CDH12: variants seen among roughly 807,000 people sequenced by gnomAD.
The protein encoded by CDH12 is cadherin-12.
A neutral mutation model predicts 74.1 loss-of-function variants in CDH12; 41 were observed. That is an observed-to-expected ratio of 0.55 (90% CI 0.43 to 0.72). The LOEUF is 0.72. CDH12 is among the 30% of genes least tolerant of loss of function. The pLI is 0.00. For synonymous variants in CDH12, 399 were observed against 355.0 expected (o/e 1.12, Z -1.39); for missense variants, 945 against 977.2 (o/e 0.97, Z 0.44).
At chr5:21,856,589 A>T (rs1750766448) in intron 6 of CDH12, among the ~76,000 whole-genome samples, 1 of 151,794 alleles carries the variant, frequency 6.6e-6, no homozygotes, top group South Asian at 2.1e-4. Context: ...AAAGATGAAC[A>T]CGTATTGTCT....
At chr5:21,816,923 G>C (rs1319068126) in intron 9 of CDH12, 22 bp downstream of exon 9, 8 of 1,452,710 alleles carry the variant, frequency 5.5e-6, no homozygotes, top group Non-Finnish European at 7.5e-6. Context: ...GTAGTCAACT[G>C]TCCCAACATT....
At chr5:22,526,823 T>C (rs1407266417) in intron 1 of CDH12, among the ~76,000 whole-genome samples, 1 of 152,192 alleles carries the variant, frequency 6.6e-6, no homozygotes, top group Non-Finnish European at 1.5e-5. Context: ...TGGCTTCCAA[T>C]TGGCCTTTTA....
intron 5 of CDH12, among the ~76,000 whole-genome samples, chr5:22,000,849 C>G (rs182417545): frequency 1.3e-5 from 2 of 151,552 alleles, no homozygotes; most frequent in Middle Eastern, 3.4e-3. Context: ...CTATTCAGCT[C>G]GAAAAAAAGC....
chr5:22,591,321 A>C (rs1420006666), intron 1 of CDH12, among the ~76,000 whole-genome samples: 2 of 152,206 alleles, frequency 1.3e-5, no homozygotes, highest in Non-Finnish European at 2.9e-5. Flanking sequence ...AAATAAGCCT[A>C]GCTATAAAAA....
intron 2 of CDH12, among the ~76,000 whole-genome samples, chr5:22,427,129 A>G (rs1273474584): frequency 6.6e-6 from 1 of 152,032 alleles, no homozygotes; most frequent in African/African-American, 2.4e-5. Context: ...TTAAGTCACT[A>G]TCAATTATTT....
chr5:22,706,276 A>G (rs903951732), intron 1 of CDH12, among the ~76,000 whole-genome samples: 2 of 152,096 alleles, frequency 1.3e-5, no homozygotes, highest in African/African-American at 4.8e-5. Flanking sequence ...TTTATAACTT[A>G]CAATTATTCC....
At chr5:22,118,711 C>A (rs369290547) in intron 4 of CDH12, among the ~76,000 whole-genome samples, 1 of 152,118 alleles carries the variant, frequency 6.6e-6, no homozygotes, top group Non-Finnish European at 1.5e-5. Context: ...TTGTCTCCCT[C>A]TTTCTCTCAA....
chr5:22,127,399 C>T (rs530216004), intron 4 of CDH12, among the ~76,000 whole-genome samples: 5 of 150,978 alleles, frequency 3.3e-5, no homozygotes, highest in Non-Finnish European at 7.4e-5. Context: ...ATCCCTTGAA[C>T]CTGGGAGGCG....
intron 1 of CDH12, among the ~76,000 whole-genome samples, chr5:22,564,793 A>C (rs2126755915): frequency 6.6e-6 from 1 of 152,134 alleles, no homozygotes; most frequent in Middle Eastern, 3.4e-3. Flanking sequence ...AAATTTATTC[A>C]TCTCTTCTTT....
At chr5:22,180,317 T>A (rs1749563546) in intron 4 of CDH12, among the ~76,000 whole-genome samples, 1 of 152,116 alleles carries the variant, frequency 6.6e-6, no homozygotes, top group African/African-American at 2.4e-5. Context: ...ACTGGACTTA[T>A]TGATAGAGAA....
intron 3 of CDH12, among the ~76,000 whole-genome samples, chr5:22,236,206 GC>G: frequency 6.6e-6 from 1 of 152,106 alleles, no homozygotes; most frequent in East Asian, 1.9e-4. Flanking sequence ...GTACATTTAG[GC>G]TATACTAAAT....
chr5:22,114,320 T>A (rs1744971699), intron 4 of CDH12, among the ~76,000 whole-genome samples: 1 of 152,168 alleles, frequency 6.6e-6, no homozygotes, highest in Non-Finnish European at 1.5e-5. Flanking sequence ...TAAAAATATA[T>A]CATTTTTTGT....
At chr5:22,425,371 G>A (rs1218830719) in intron 2 of CDH12, among the ~76,000 whole-genome samples, 2 of 150,866 alleles carry the variant, frequency 1.3e-5, no homozygotes, top group Non-Finnish European at 3.0e-5. Context: ...GTGTGTCAAC[G>A]AGTGTACTGT....
intron 2 of CDH12, among the ~76,000 whole-genome samples, chr5:22,490,364 A>G (rs1746809129): frequency 6.6e-6 from 1 of 152,204 alleles, no homozygotes. Context: ...CCTGATTCCA[A>G]GAAATCCGTT....
intron 3 of CDH12, among the ~76,000 whole-genome samples, chr5:22,354,692 C>T (rs150208889): frequency 6.6e-6 from 1 of 152,090 alleles, no homozygotes; most frequent in African/African-American, 2.4e-5. Flanking sequence ...AAAGGCAGTG[C>T]TCTCAAATGA....
At chr5:22,038,830 T>G (rs561989486) in intron 5 of CDH12, among the ~76,000 whole-genome samples, 1 of 152,150 alleles carries the variant, frequency 6.6e-6, no homozygotes, top group Non-Finnish European at 1.5e-5. Flanking sequence ...ATCAAGTTGA[T>G]GTGGTACCCC....
chr5:22,294,477 A>T (rs181753107), intron 3 of CDH12, among the ~76,000 whole-genome samples: 134 of 152,356 alleles, frequency 8.8e-4, no homozygotes, highest in Middle Eastern at 6.8e-3. Flanking sequence ...CAATTGAAGT[A>T]TCCCTCAGGG....
intron 4 of CDH12, among the ~76,000 whole-genome samples, chr5:22,114,379 G>C (rs1744974888): frequency 6.6e-6 from 1 of 151,690 alleles, no homozygotes; most frequent in Non-Finnish European, 1.5e-5. Context: ...CTTTACTCTG[G>C]GCATATTCTA....
intron 9 of CDH12, among the ~76,000 whole-genome samples, chr5:21,810,325 A>G (rs1398593742): frequency 6.6e-6 from 1 of 152,120 alleles, no homozygotes; most frequent in Non-Finnish European, 1.5e-5. Context: ...CAGTGGCAAA[A>G]AGGAGTCAGG....
Sources: allele counts gnomAD v4.1 joint callset (sites outside exome capture counted in the v4.1 genomes callset), GRCh38; gene constraint gnomAD v4.1.1; transcripts MANE v1.5; gene names NCBI Gene and HGNC (gene_info 2026-07-23, HGNC 2026-07-21).